The following BMPER variants were observed in gnomAD, a reference collection of about 807,000 sequenced individuals.
BMPER encodes BMP-binding endothelial regulator protein.
Under a neutral mutation model 87.3 loss-of-function variants are expected in BMPER, and 45 were observed. The ratio of observed to expected loss-of-function variants is 0.52; its 90% confidence interval spans 0.41 to 0.66. The LOEUF (loss-of-function observed/expected upper bound fraction) is 0.66. Among genes scored for constraint, BMPER ranks in the 30% least tolerant of loss-of-function variants. The probability of loss-of-function intolerance (pLI) is 0.00; values close to 1 mark genes in which losing one functional copy is unlikely to be tolerated. For missense variants in BMPER, 784 were observed against 867.5 expected (o/e 0.90, Z 1.21); for synonymous variants, 326 against 316.2 (o/e 1.03, Z -0.33).
At chr7:34,142,027 C>T (rs535469500) in intron 13 of BMPER, among the ~76,000 whole-genome samples, 41 of 152,140 alleles carry the variant, frequency 2.7e-4, no homozygotes, top group Non-Finnish European at 5.4e-4. Context: ...TTTTCAAGAT[C>T]GTAAGTGCAG....
chr7:33,970,519 A>G (rs1397511734), intron 5 of BMPER, 100 bp downstream of exon 5: 6 of 1,230,420 alleles, frequency 4.9e-6, no homozygotes, highest in Non-Finnish European at 1.2e-6. Flanking sequence ...CTCACTTTAC[A>G]TCTGTGTACC....
intron 3 of BMPER, among the ~76,000 whole-genome samples, chr7:33,938,615 G>T (rs1252269748): frequency 6.6e-6 from 1 of 152,198 alleles, no homozygotes; most frequent in Non-Finnish European, 1.5e-5. Flanking sequence ...CTAGTCTCCA[G>T]AACTGTGAGA....
chr7:33,955,135 G>A lies in BMPER; in HGVS notation c.320-11344G>A, dbSNP rs534588985. Among the ~76,000 whole-genome samples the A allele has an allele frequency of 8.5e-5, 13 of 152,296 alleles. No homozygotes were observed. The South Asian group carries it at 1.2e-3, about 15-fold the overall frequency. Reference sequence around the variant, plus strand: ...TGGTCTCAAACTCTCGATCTCAGGTGATTTGCCTACCTCAGCCTCCCAAAG... The same window carrying A: ...TGGTCTCAAACTCTCGATCTCAGGTAATTTGCCTACCTCAGCCTCCCAAAG... On this transcript the variant is annotated intron_variant, in intron 3 of 14. Transcript: ENST00000649409.
At chr7:33,957,406 AG>A (rs1324538635) in intron 3 of BMPER, among the ~76,000 whole-genome samples, 4 of 151,232 alleles carry the variant, frequency 2.6e-5, no homozygotes, top group Non-Finnish European at 5.9e-5. Context: ...ACAAAATTAT[AG>A]AAATGGAGAG....
chr7:34,002,871 C>G (rs960303346), intron 6 of BMPER, among the ~76,000 whole-genome samples: 14 of 151,462 alleles, frequency 9.2e-5, no homozygotes, highest in Non-Finnish European at 1.6e-4. Context: ...TTTCTTCTAT[C>G]CTTTTACTTT....
At chr7:34,039,912 C>T (rs1297647696) in intron 6 of BMPER, among the ~76,000 whole-genome samples, 2 of 151,938 alleles carry the variant, frequency 1.3e-5, no homozygotes, top group Non-Finnish European at 2.9e-5. Context: ...AGGCATAAAC[C>T]ATACCAGTTA....
At chr7:34,039,294 T>G (rs1562704232) in intron 6 of BMPER, among the ~76,000 whole-genome samples, 1 of 152,176 alleles carries the variant, frequency 6.6e-6, no homozygotes, top group Non-Finnish European at 1.5e-5. Context: ...AGGCATTTAA[T>G]TCATCCAGGA....
intron 6 of BMPER, among the ~76,000 whole-genome samples, chr7:34,016,520 CTT>C (rs1398106220): frequency 6.6e-6 from 1 of 151,978 alleles, no homozygotes; most frequent in Non-Finnish European, 1.5e-5. Flanking sequence ...TTTTTCAACT[CTT>C]TATGATTTCT....
rs113945218 is a variant in BMPER at position 34,104,353 on chromosome 7, T to G, written c.1745+18261T>G. 6.1e-3 allele frequency among the ~76,000 whole-genome samples: 923 copies of G among 152,318 alleles called. 10 individuals carry two copies. Among genetic ancestry groups the G allele is most frequent in the African/African-American group, 0.021 (866 of 41,572 alleles). On this transcript the variant is annotated intron_variant, in intron 13 of 14. Transcript: ENST00000649409. ...AGGCCATTTGTCATTCATGTTTATG[T>G]TCCTCCCCCTCCCAACACACCCCAG...
intron 6 of BMPER, among the ~76,000 whole-genome samples, chr7:33,976,328 T>C (rs2127912929): frequency 1.3e-5 from 2 of 152,110 alleles, no homozygotes; most frequent in South Asian, 2.1e-4. Flanking sequence ...AATTTTTGTA[T>C]TTTTAGTAGA....
intron 3 of BMPER, among the ~76,000 whole-genome samples, chr7:33,941,705 C>T (rs765306015): frequency 2.6e-5 from 4 of 152,128 alleles, no homozygotes; most frequent in Non-Finnish European, 5.9e-5. Context: ...GGAGCTCAGG[C>T]GGTGATGTGA....
rs992527725 is a variant in BMPER at position 34,153,967 on chromosome 7, C to G, written c.*694C>G. 6.5e-6 allele frequency: 1 copy of G among 153,666 alleles called. No individual in the cohort carries two copies. Among genetic ancestry groups the G allele is most frequent in the African/African-American group, 2.4e-5 (1 of 41,440 alleles). The allele number at this position is 153,666 out of a possible 1,614,324, so 9.5% of individuals were successfully genotyped here. On this transcript the variant is annotated 3_prime_UTR_variant, in exon 15 of 15. Coordinates refer to ENST00000649409, the MANE Select transcript of BMPER (RefSeq NM_001365308.1). ...CATCCTTGCGTAGTCCTCAAGTCTT[C>G]TAATCATCTATGTGTGTATGATGGA... is the stretch of plus-strand genomic sequence containing the variant.
intron 6 of BMPER, among the ~76,000 whole-genome samples, chr7:34,002,076 C>T (rs1461475684): frequency 1.3e-5 from 2 of 151,258 alleles, no homozygotes; most frequent in Non-Finnish European, 3.0e-5. Context: ...GTTTTATGGC[C>T]AAATATATGG....
At chr7:33,985,806 A>G (rs191088405) in intron 6 of BMPER, among the ~76,000 whole-genome samples, 1 of 151,584 alleles carries the variant, frequency 6.6e-6, no homozygotes, top group Admixed American at 6.6e-5. Flanking sequence ...ATTGAAGTTT[A>G]TATGTGTATG....
At chr7:34,108,988 TATG>T (rs949065875) in intron 13 of BMPER, among the ~76,000 whole-genome samples, 2 of 152,190 alleles carry the variant, frequency 1.3e-5, no homozygotes, top group Non-Finnish European at 1.5e-5. Context: ...ACAGAACCAA[TATG>T]ATATGTGTAT....
chr7:34,065,243 T>TCTCTCTCTCTCTCTCC (rs1243528612), intron 11 of BMPER, among the ~76,000 whole-genome samples: 3 of 130,374 alleles, frequency 2.3e-5, no homozygotes, highest in African/African-American at 8.1e-5. Flanking sequence ...TCTCTCTCTC[T>TCTCTCTCTCTCTCTCC]CTCTCCCTCT....
intron 14 of BMPER, among the ~76,000 whole-genome samples, chr7:34,148,680 G>A (rs892265185): frequency 2.6e-5 from 4 of 152,118 alleles, no homozygotes; most frequent in African/African-American, 9.7e-5. Context: ...GGACATACCA[G>A]TCCTTAATAG....
chr7:34,107,117 C>A (rs1395181051), intron 13 of BMPER, among the ~76,000 whole-genome samples: 1 of 152,202 alleles, frequency 6.6e-6, no homozygotes, highest in Non-Finnish European at 1.5e-5. Context: ...TATTTCCCAT[C>A]CTCTCAACCA....
rs140127817 is a variant in BMPER, at chr7:33,984,941, C to A, written c.576+10157C>A. ...ACTATCTGTCCATTCCTCTTTCCATCTTTATATCTCTGTCTTGCCTGTACA... is the reference window on the plus strand; with the variant it reads ...ACTATCTGTCCATTCCTCTTTCCATATTTATATCTCTGTCTTGCCTGTACA... On this transcript the variant is annotated intron_variant, in intron 6 of 14. Transcript: ENST00000649409. 5.6e-3 allele frequency among the ~76,000 whole-genome samples: 851 copies of A among 152,326 alleles called. 13 individuals carry two copies. Among genetic ancestry groups the A allele is most frequent in the African/African-American group, 0.019 (778 of 41,574 alleles).
Sources: gnomAD v4.1 joint callset for allele counts (sites outside exome capture counted in the v4.1 genomes callset) on GRCh38, gnomAD v4.1.1 for gene constraint, MANE v1.5 for transcripts, NCBI Gene and HGNC (gene_info 2026-07-23, HGNC 2026-07-21) for gene names.